RABEP1: variants seen among roughly 807,000 people sequenced by gnomAD.
The protein encoded by RABEP1 is rab GTPase-binding effector protein 1.
RABEP1 carries 51 observed loss-of-function variants against 123.4 expected under a neutral mutation model. That is an observed-to-expected ratio of 0.41 (90% CI 0.33 to 0.52). The LOEUF is 0.52. Ranked by LOEUF, RABEP1 falls within the 20% of genes least tolerant of loss-of-function variation. RABEP1 has a pLI of 0.16. For missense variants in RABEP1, 888 were observed against 996.3 expected (o/e 0.89, Z 1.46); for synonymous variants, 347 against 355.2 (o/e 0.98, Z 0.26).
intron 2 of RABEP1, among the ~76,000 whole-genome samples, chr17:5,316,903 T>G (rs2075303596): frequency 6.6e-6 from 1 of 151,638 alleles, no homozygotes; most frequent in African/African-American, 2.4e-5. Context: ...TTAAAAATTT[T>G]TTTTTAATGT....
At chr17:5,325,711 G>A (rs1905904965) in intron 2 of RABEP1, among the ~76,000 whole-genome samples, 1 of 151,740 alleles carries the variant, frequency 6.6e-6, no homozygotes, top group Non-Finnish European at 1.5e-5. Context: ...TGGTGTCCAT[G>A]GGATGAAAGA....
chr17:5,324,174 A>G (rs562201327), intron 2 of RABEP1, among the ~76,000 whole-genome samples: 7 of 152,222 alleles, frequency 4.6e-5, no homozygotes, highest in African/African-American at 1.7e-4. Flanking sequence ...CACACTATAT[A>G]ACATTAAAAT....
At chr17:5,297,268 A>C (rs9896481) in intron 1 of RABEP1, among the ~76,000 whole-genome samples, 2,648 of 152,260 alleles carry the variant, frequency 0.017, 81 homozygotes, top group African/African-American at 0.06. Flanking sequence ...AATTGTACAC[A>C]AGACTTTTTT....
chr17:5,330,186 C>T (rs1216002120), intron 2 of RABEP1, among the ~76,000 whole-genome samples: 1 of 152,178 alleles, frequency 6.6e-6, no homozygotes, highest in South Asian at 2.1e-4. Flanking sequence ...TGTGGTTTCA[C>T]GTGTTTACAT....
intron 6 of RABEP1, among the ~76,000 whole-genome samples, chr17:5,349,367 C>G (rs16954556): frequency 1.3e-5 from 2 of 152,042 alleles, no homozygotes; most frequent in African/African-American, 4.8e-5. Context: ...CAGAGAAGGC[C>G]GAGTTAGCAG....
Position 5,365,235 on chromosome 17 carries a change from C to G in RABEP1, c.1782C>G (p.His594Gln). The part of the protein sequence containing the change: ...FIKQSSEDSS[H>Q]QISALVLRAQ... The stretch of plus-strand genomic sequence containing the variant: ...AGCAAAGCAGCGAAGATTCGAGTCA[C>G]CAGGTAAGGGAGGGTTTATAGACTG... Residue 594 changes from histidine to glutamine, a missense_variant, in exon 11 of 18, where the codon CAC (histidine) becomes CAG (glutamine). Coordinates refer to ENST00000537505, the MANE Select transcript of RABEP1 (RefSeq NM_004703.6). 1.2e-6 allele frequency: 2 copies of G among 1,602,248 alleles called. No individual in the cohort carries two copies. The highest frequency in any genetic ancestry group is 1.7e-6 in the Non-Finnish European group (2 of 1,174,068).
Position 5,293,115 on chromosome 17 carries a change from C to T in RABEP1, c.34+10595C>T, listed in dbSNP as rs149962707. Among the ~76,000 whole-genome samples, 84 of 152,156 alleles carry T rather than the reference C, an allele frequency of 5.5e-4. 1 individual carries two copies. The highest frequency in any genetic ancestry group is 1.8e-3 in the African/African-American group (73 of 41,500). On this transcript the variant is annotated intron_variant, in intron 1 of 17. Coordinates refer to ENST00000537505, the MANE Select transcript of RABEP1 (RefSeq NM_004703.6). ...GACCAGCCTGACTAACATGAAACCCCGTCTCTACTAAACATACAAAAATTA... is the reference window on the plus strand; with the variant it reads ...GACCAGCCTGACTAACATGAAACCCTGTCTCTACTAAACATACAAAAATTA...
At chr17:5,313,708 T>C (rs1313006946) in intron 2 of RABEP1, among the ~76,000 whole-genome samples, 1 of 152,220 alleles carries the variant, frequency 6.6e-6, no homozygotes, top group African/African-American at 2.4e-5. Flanking sequence ...GTTGTATCTT[T>C]ACTGTCCAGA....
chr17:5,301,800 C>T (rs1319397341), intron 1 of RABEP1, among the ~76,000 whole-genome samples: 2 of 151,732 alleles, frequency 1.3e-5, no homozygotes, highest in Non-Finnish European at 2.9e-5. Context: ...CCACCTGCGC[C>T]ATGGTTAAAA....
chr17:5,338,829 A>T lies in RABEP1; in HGVS notation c.648+691A>T, dbSNP rs74685336. Among the ~76,000 whole-genome samples the T allele has an allele frequency of 8.8e-3, 1,334 of 152,246 alleles. 26 individuals are homozygous for T. Among genetic ancestry groups the T allele is most frequent in the African/African-American group, 0.03 (1,265 of 41,538 alleles). On this transcript the variant is annotated intron_variant, in intron 5 of 17. Transcript: ENST00000537505. ...AGATAATGTAGCTATAGTATTGCTG[A>T]ATTTGTTGGCCATAAAGACACAGCA...
chr17:5,368,604 C>G, intron 12 of RABEP1, 136 bp downstream of exon 12: 1 of 592,314 alleles, frequency 1.7e-6, no homozygotes, highest in Non-Finnish European at 2.9e-6. Flanking sequence ...GACTGTAGAA[C>G]ATTAATAATG....
chr17:5,355,901 A>G (rs936587825), intron 8 of RABEP1, among the ~76,000 whole-genome samples: 2 of 152,206 alleles, frequency 1.3e-5, no homozygotes, highest in African/African-American at 2.4e-5. Flanking sequence ...TAGACTCCCA[A>G]GAGAATGTCT....
At chr17:5,370,399 A>G (rs1419921121) in intron 12 of RABEP1, among the ~76,000 whole-genome samples, 1 of 152,202 alleles carries the variant, frequency 6.6e-6, no homozygotes, top group Non-Finnish European at 1.5e-5. Flanking sequence ...TGTCCCAGTA[A>G]GTCCTTGATT....
chr17:5,299,530 A>G (rs746868038), intron 1 of RABEP1, among the ~76,000 whole-genome samples: 1 of 151,696 alleles, frequency 6.6e-6, no homozygotes, highest in Non-Finnish European at 1.5e-5. Context: ...ATGAGTCCCT[A>G]GGGCCACTGA....
rs543016318 is a variant in RABEP1, at chr17:5,334,669, C to T, written c.368-515C>T. Among the ~76,000 whole-genome samples the T allele has an allele frequency of 9.2e-5, 14 of 152,218 alleles. No homozygotes were observed. In the South Asian group the frequency reaches 2.3e-3, roughly 25 times the overall value. On this transcript the variant is annotated intron_variant, in intron 3 of 17. Transcript: ENST00000537505. ...GTGTGTGAGCCACTATGCCCGGCCA[C>T]GTTTTAAGATTATATTAAAGAGAAA...
chr17:5,290,740 C>T (rs115991233), intron 1 of RABEP1, among the ~76,000 whole-genome samples: 4 of 152,210 alleles, frequency 2.6e-5, no homozygotes, highest in African/African-American at 9.6e-5. Flanking sequence ...TTACTCCGTG[C>T]TCATGACCCA....
At chr17:5,311,697 C>CAAAAAA (rs35876639) in intron 2 of RABEP1, among the ~76,000 whole-genome samples, 30 of 70,762 alleles carry the variant, frequency 4.2e-4, no homozygotes, top group African/African-American at 7.0e-4. Context: ...GACTTCATCT[C>CAAAAAA]AAAAAAAAAA....
At chr17:5,316,857 TATAAG>T (rs2075302869) in intron 2 of RABEP1, among the ~76,000 whole-genome samples, 1 of 107,984 alleles carries the variant, frequency 9.3e-6, no homozygotes, top group Non-Finnish European at 1.9e-5. Context: ...AAAAAAAAAA[TATAAG>T]AAACAATACA....
intron 12 of RABEP1, 63 bp downstream of exon 12, chr17:5,368,531 T>A: frequency 8.5e-7 from 1 of 1,174,630 alleles, no homozygotes; most frequent in Non-Finnish European, 1.3e-6. Flanking sequence ...TGTTCTATCT[T>A]GACATCATCT....
Sources: gnomAD v4.1 joint callset for allele counts (sites outside exome capture counted in the v4.1 genomes callset) on GRCh38, gnomAD v4.1.1 for gene constraint, MANE v1.5 for transcripts, NCBI Gene and HGNC (gene_info 2026-07-23, HGNC 2026-07-21) for gene names.